Variants in PPARG observed in about 807,000 individuals in gnomAD.
The protein encoded by PPARG is peroxisome proliferator-activated receptor gamma.
A neutral mutation model predicts 39.2 loss-of-function variants in PPARG; 17 were observed. That is an observed-to-expected ratio of 0.43 (90% CI 0.30 to 0.65). PPARG has a LOEUF of 0.65. PPARG is among the 30% of genes least tolerant of loss of function. The pLI is 0.13. For synonymous variants in PPARG, 223 were observed against 215.7 expected (o/e 1.03, Z -0.30); for missense variants, 406 against 585.9 (o/e 0.69, Z 3.17).
At chr3:12,339,342 G>T (rs530162912) in intron 2 of PPARG, among the ~76,000 whole-genome samples, 1 of 152,320 alleles carries the variant, frequency 6.6e-6, no homozygotes, top group Non-Finnish European at 1.5e-5. Flanking sequence ...AAATCAGCAT[G>T]ACAGATCTTA....
intron 2 of PPARG, among the ~76,000 whole-genome samples, chr3:12,319,836 A>C (rs2047487831): frequency 6.6e-6 from 1 of 152,110 alleles, no homozygotes; most frequent in Admixed American, 6.5e-5. Context: ...TTACCTGTTA[A>C]GTAAGAAAGG....
intron 6 of PPARG, 171 bp downstream of exon 6, chr3:12,406,252 AG>A (rs2050662537): frequency 1.4e-6 from 1 of 707,808 alleles, no homozygotes; most frequent in South Asian, 1.7e-5. Context: ...GTTTTCAGAT[AG>A]CACAAGTCAA....
At chr3:12,430,527 C>G (rs923467410) in intron 7 of PPARG, among the ~76,000 whole-genome samples, 3 of 152,202 alleles carry the variant, frequency 2.0e-5, no homozygotes, top group Non-Finnish European at 4.4e-5. Context: ...ACTCTTTTCT[C>G]TAAGTCTTAA....
intron 5 of PPARG, among the ~76,000 whole-genome samples, chr3:12,395,378 C>G (rs999399275): frequency 2.0e-5 from 3 of 152,166 alleles, no homozygotes; most frequent in African/African-American, 7.2e-5. Flanking sequence ...ATGTTATGAT[C>G]AATTGCTCAG....
intron 1 of PPARG, among the ~76,000 whole-genome samples, chr3:12,308,321 A>G (rs1162327483): frequency 7.8e-6 from 1 of 128,830 alleles, no homozygotes; most frequent in Non-Finnish European, 1.6e-5. Context: ...TCTAACCTGG[A>G]TGACAGAGCA....
At chr3:12,311,633 G>A (rs1462097793) in intron 1 of PPARG, among the ~76,000 whole-genome samples, 1 of 151,904 alleles carries the variant, frequency 6.6e-6, no homozygotes, top group Non-Finnish European at 1.5e-5. Flanking sequence ...AGAATGTCGG[G>A]TCTCGATGTT....
At chr3:12,388,815 A>G (rs2049970385) in intron 4 of PPARG, among the ~76,000 whole-genome samples, 1 of 152,226 alleles carries the variant, frequency 6.6e-6, no homozygotes, top group African/African-American at 2.4e-5. Flanking sequence ...ACTATTAGGA[A>G]TAACCAGGAT....
chr3:12,396,160 C>T (rs182755437), intron 5 of PPARG, among the ~76,000 whole-genome samples: 286 of 151,850 alleles, frequency 1.9e-3, no homozygotes, highest in Non-Finnish European at 3.7e-3. Flanking sequence ...CTCGCTCTGT[C>T]GCCCAGTCTG....
In PPARG at chr3:12,338,530, A is replaced by G. The variant is rs568962483; in HGVS notation, c.-9+26077A>G. On this transcript the variant is annotated intron_variant, in intron 2 of 7. Transcript: ENST00000651735. ...CTTAAATATGTGTAAAACAAGTTGT[A>G]AACTATGTTTATAGCTCTTATATAT... is the stretch of plus-strand genomic sequence containing the variant. 6.1e-4 allele frequency among the ~76,000 whole-genome samples: 93 copies of G among 152,226 alleles called. 2 individuals are homozygous for G. Among genetic ancestry groups the G allele is most frequent in the Non-Finnish European group, 1.9e-4 (13 of 68,030 alleles).
intron 4 of PPARG, among the ~76,000 whole-genome samples, chr3:12,384,057 A>G (rs563683988): frequency 1.3e-5 from 2 of 152,290 alleles, no homozygotes; most frequent in South Asian, 4.1e-4. Flanking sequence ...TGTGGATTCC[A>G]GAATTCCTAG....
chr3:12,418,619 A>G (rs936356306), intron 7 of PPARG, among the ~76,000 whole-genome samples: 3 of 152,220 alleles, frequency 2.0e-5, no homozygotes, highest in Admixed American at 2.0e-4. Context: ...CTTCATGCAT[A>G]TTTATTCAAT....
rs544711203 is a variant in PPARG at position 12,356,391 on chromosome 3, G to A, written c.-8-23313G>A. Among the ~76,000 whole-genome samples, 7 of 152,238 alleles carry A rather than the reference G, an allele frequency of 4.6e-5. No individual in the cohort carries two copies. The East Asian group carries it at 7.7e-4, about 17-fold the overall frequency. On this transcript the variant is annotated intron_variant, in intron 2 of 7. Transcript: ENST00000651735. ...ATTTGAGTACACAGTGTTTTAAACCGTGTAATTTTTATTTGAGCAAGGGAT... is the reference window on the plus strand; with the variant it reads ...ATTTGAGTACACAGTGTTTTAAACCATGTAATTTTTATTTGAGCAAGGGAT...
chr3:12,336,261 T>G (rs979058481), intron 2 of PPARG, among the ~76,000 whole-genome samples: 1 of 152,112 alleles, frequency 6.6e-6, no homozygotes, highest in Non-Finnish European at 1.5e-5. Flanking sequence ...ACAAGATACA[T>G]CAGATTAATG....
intron 1 of PPARG, among the ~76,000 whole-genome samples, chr3:12,290,914 C>T (rs1485882930): frequency 1.3e-5 from 2 of 152,148 alleles, no homozygotes; most frequent in Admixed American, 6.5e-5. Flanking sequence ...GAATGTTTCA[C>T]ACATTCTGGC....
intron 1 of PPARG, among the ~76,000 whole-genome samples, chr3:12,293,506 G>GATA (rs982034826): frequency 6.6e-6 from 1 of 152,174 alleles, no homozygotes; most frequent in African/African-American, 2.4e-5. Context: ...GGAGAAGGTA[G>GATA]ATATGAGGGA....
At chr3:12,370,776 T>A (rs2049183664) in intron 2 of PPARG, among the ~76,000 whole-genome samples, 1 of 152,212 alleles carries the variant, frequency 6.6e-6, no homozygotes, top group African/African-American at 2.4e-5. Flanking sequence ...GTTTTGTTTT[T>A]AATTATTTTT....
chr3:12,417,901 CCTTTT>C, intron 7 of PPARG, among the ~76,000 whole-genome samples: 1 of 46,142 alleles, frequency 2.2e-5, no homozygotes, highest in Middle Eastern at 0.015. Flanking sequence ...TTTTTTTTTT[CCTTTT>C]TTTTTTTTTT....
chr3:12,398,876 G>A (rs1205318747), intron 5 of PPARG, among the ~76,000 whole-genome samples: 1 of 152,176 alleles, frequency 6.6e-6, no homozygotes, highest in Non-Finnish European at 1.5e-5. Flanking sequence ...GCAGTAGATC[G>A]AGAAGTGAAT....
At chr3:12,417,902 C>CTTTTTT (rs869086237) in intron 7 of PPARG, among the ~76,000 whole-genome samples, 4,398 of 65,644 alleles carry the variant, frequency 0.067, 517 homozygotes, top group African/African-American at 0.15. Context: ...TTTTTTTTTC[C>CTTTTTT]TTTTTTTTTT....
Sources: allele counts gnomAD v4.1 joint callset (sites outside exome capture counted in the v4.1 genomes callset), GRCh38; gene constraint gnomAD v4.1.1; transcripts MANE v1.5; gene names NCBI Gene and HGNC (gene_info 2026-07-23, HGNC 2026-07-21).